The following BANK1 variants were observed in gnomAD, a reference collection of about 807,000 sequenced individuals.
BANK1 encodes the protein B-cell scaffold protein with ankyrin repeats.
In BANK1, 95 loss-of-function variants were observed where a neutral mutation model predicts 94.5. That is an observed-to-expected ratio of 1.00 (90% CI 0.85 to 1.19). The LOEUF is 1.19. Among genes scored for constraint, BANK1 ranks in the 50% most tolerant of loss-of-function variants. BANK1 has a pLI of 0.00. For synonymous variants in BANK1, 334 were observed against 308.4 expected (o/e 1.08, Z -0.87); for missense variants, 987 against 932.2 (o/e 1.06, Z -0.77).
At chr4:102,072,468 G>GAAGGCTCTCATGTT in intron 15 of BANK1, 68 bp downstream of exon 15, 2 of 1,208,868 alleles carry the variant, frequency 1.7e-6, no homozygotes, top group Non-Finnish European at 2.4e-6. Context: ...GAACATGAGA[G>GAAGGCTCTCATGTT]CCTTCTATCC....
At chr4:101,847,120 ATAGT>A (rs979947803) in intron 2 of BANK1, among the ~76,000 whole-genome samples, 53 of 152,256 alleles carry the variant, frequency 3.5e-4, no homozygotes, top group African/African-American at 1.2e-3. Context: ...CACCTGGTAC[ATAGT>A]TGGCTGGTAA....
chr4:101,840,069 C>G (rs1389429831), intron 2 of BANK1, among the ~76,000 whole-genome samples: 10 of 138,122 alleles, frequency 7.2e-5, no homozygotes, highest in African/African-American at 2.6e-4. Flanking sequence ...CCCGGGTTCA[C>G]GCCATTCTCC....
intron 11 of BANK1, among the ~76,000 whole-genome samples, chr4:102,052,152 T>A (rs1728074682): frequency 7.1e-6 from 1 of 140,488 alleles, no homozygotes; most frequent in Non-Finnish European, 1.5e-5. Flanking sequence ...AGAGTCTCGC[T>A]CTGTTGCCAG....
At chr4:101,905,468 A>G (rs1466547023) in intron 6 of BANK1, among the ~76,000 whole-genome samples, 1 of 152,166 alleles carries the variant, frequency 6.6e-6, no homozygotes, top group African/African-American at 2.4e-5. Flanking sequence ...TCAAACTTAG[A>G]GTGACACTGA....
intron 7 of BANK1, among the ~76,000 whole-genome samples, chr4:102,017,819 G>A (rs548416795): frequency 1.3e-5 from 2 of 152,242 alleles, no homozygotes; most frequent in South Asian, 4.1e-4. Context: ...GTATACTCAG[G>A]TTATTCTAAT....
chr4:102,061,786 C>T (rs1250141736), intron 12 of BANK1: 1 of 152,108 alleles, frequency 6.6e-6, no homozygotes, highest in Non-Finnish European at 1.5e-5. Context: ...GTGCTTCATA[C>T]TCACTACTTA....
At chr4:101,878,482 G>T (rs1728568998) in intron 5 of BANK1, among the ~76,000 whole-genome samples, 1 of 152,126 alleles carries the variant, frequency 6.6e-6, no homozygotes, top group Non-Finnish European at 1.5e-5. Context: ...CCTAAGGAGA[G>T]AAATAGTCCT....
At chr4:101,960,556 C>T (rs1458146715) in intron 7 of BANK1, among the ~76,000 whole-genome samples, 2 of 151,936 alleles carry the variant, frequency 1.3e-5, no homozygotes, top group Non-Finnish European at 2.9e-5. Context: ...GCTGAGATAA[C>T]ATGCAATGGA....
intron 7 of BANK1, among the ~76,000 whole-genome samples, chr4:101,981,588 C>A (rs1725326741): frequency 6.6e-6 from 1 of 151,896 alleles, no homozygotes; most frequent in Non-Finnish European, 1.5e-5. Context: ...TTTGGATATA[C>A]TTTTTTATAT....
At chr4:101,833,319 T>C (rs1264605566) in intron 2 of BANK1, among the ~76,000 whole-genome samples, 1 of 152,216 alleles carries the variant, frequency 6.6e-6, no homozygotes, top group Non-Finnish European at 1.5e-5. Context: ...TGAGTTTTTT[T>C]TGGTCCAGCC....
intron 7 of BANK1, among the ~76,000 whole-genome samples, chr4:102,002,572 C>T (rs1030221032): frequency 6.6e-6 from 1 of 151,012 alleles, no homozygotes; most frequent in South Asian, 2.4e-4. Flanking sequence ...CACACACACA[C>T]ACACACACAC....
Position 101,801,251 on chromosome 4 carries a change from AT to A in BANK1, c.70+10302del, listed in dbSNP as rs576700487. 2.7e-3 allele frequency among the ~76,000 whole-genome samples: 408 copies of A among 152,348 alleles called. 1 individual carries two copies. The highest frequency in any genetic ancestry group is 9.2e-3 in the African/African-American group (384 of 41,588). ...AATGTAAAATCTCTCAAGAATGTTT[AT>A]ATTAATTGCATGTTAAGATGATACT... On this transcript the variant is annotated intron_variant, in intron 1 of 16. Coordinates refer to ENST00000322953, the MANE Select transcript of BANK1 (RefSeq NM_017935.5).
intron 5 of BANK1, among the ~76,000 whole-genome samples, chr4:101,877,376 A>C (rs1578373029): frequency 6.6e-6 from 1 of 152,234 alleles, no homozygotes; most frequent in African/African-American, 2.4e-5. Flanking sequence ...ACAGAGAAAC[A>C]CAGAGAACTG....
intron 10 of BANK1, among the ~76,000 whole-genome samples, chr4:102,038,611 T>TA (rs1487847180): frequency 6.6e-5 from 10 of 152,138 alleles, no homozygotes; most frequent in Non-Finnish European, 1.3e-4. Flanking sequence ...CTGGAGGTTT[T>TA]ACTAATAAAC....
chr4:102,033,281 C>T (rs754258695), intron 10 of BANK1, among the ~76,000 whole-genome samples: 1 of 152,208 alleles, frequency 6.6e-6, no homozygotes, highest in Non-Finnish European at 1.5e-5. Flanking sequence ...AGAACCCTCC[C>T]ATTATGGGTG....
rs1726162359 is a variant in BANK1 at position 102,003,933 on chromosome 4, GTA to G, written c.1207-17576_1207-17575del. On this transcript the variant is annotated intron_variant, in intron 7 of 16. Coordinates refer to ENST00000322953, the MANE Select transcript of BANK1 (RefSeq NM_017935.5). ...TGTATGTATACATATATGTATATGT[GTA>G]TATACGTATATATACACACATATAT... 3.3e-5 allele frequency among the ~76,000 whole-genome samples: 5 copies of G among 149,852 alleles called. No individual in the cohort carries two copies. In the Admixed American group the frequency reaches 3.3e-4, roughly 10 times the overall value.
At chr4:101,861,459 A>ATTTC (rs1255385352) in intron 3 of BANK1, among the ~76,000 whole-genome samples, 1 of 152,166 alleles carries the variant, frequency 6.6e-6, no homozygotes, top group Non-Finnish European at 1.5e-5. Context: ...TATGACTTGA[A>ATTTC]GAAAGCTTTT....
At chr4:101,928,114 T>C (rs781354439) in intron 7 of BANK1, among the ~76,000 whole-genome samples, 30 of 151,776 alleles carry the variant, frequency 2.0e-4, no homozygotes, top group Non-Finnish European at 3.2e-4. Context: ...ATAATAAGCC[T>C]TTCCAAATAT....
At chr4:101,910,377 TG>T in intron 6 of BANK1, among the ~76,000 whole-genome samples, 1 of 152,286 alleles carries the variant, frequency 6.6e-6, no homozygotes, top group Admixed American at 6.5e-5. Flanking sequence ...TCTGTGTCCT[TG>T]AATTAAAATC....
Sources: gnomAD v4.1 joint callset for allele counts (sites outside exome capture counted in the v4.1 genomes callset) on GRCh38, gnomAD v4.1.1 for gene constraint, MANE v1.5 for transcripts, NCBI Gene and HGNC (gene_info 2026-07-23, HGNC 2026-07-21) for gene names.